Variants in AGBL3 observed in about 807,000 individuals in gnomAD.
The protein encoded by AGBL3 is cytosolic carboxypeptidase 3.
A neutral mutation model predicts 94.5 loss-of-function variants in AGBL3; 68 were observed. The observed-to-expected ratio is 0.72, with a 90% CI of 0.59 to 0.88. AGBL3 has a LOEUF of 0.88. Among genes scored for constraint, AGBL3 ranks in the 40% least tolerant of loss-of-function variants. AGBL3 has a pLI of 0.00. For synonymous variants in AGBL3, 354 were observed against 370.7 expected (o/e 0.95, Z 0.52); for missense variants, 934 against 1,103.8 (o/e 0.85, Z 2.18).
chr7:135,080,284 C>T (rs1820807008), intron 14 of AGBL3, 24 bp downstream of exon 14: 2 of 1,536,744 alleles, frequency 1.3e-6, no homozygotes, highest in Non-Finnish European at 1.8e-6. Flanking sequence ...TCTACCTTCT[C>T]ATAAACAATT....
At chr7:135,008,974 A>G (rs532503791) in intron 4 of AGBL3, among the ~76,000 whole-genome samples, 3 of 152,348 alleles carry the variant, frequency 2.0e-5, no homozygotes, top group Non-Finnish European at 2.9e-5. Context: ...TCAAAAAGTC[A>G]GATAACAAGT....
At chr7:135,033,328 T>A (rs967693430) in intron 6 of AGBL3, among the ~76,000 whole-genome samples, 10 of 152,208 alleles carry the variant, frequency 6.6e-5, no homozygotes, top group African/African-American at 2.4e-4. Context: ...AAAAATATTA[T>A]GGAAATATTT....
chr7:135,110,047 C>A (rs1319419441), intron 15 of AGBL3, among the ~76,000 whole-genome samples: 1 of 151,992 alleles, frequency 6.6e-6, no homozygotes, highest in Non-Finnish European at 1.5e-5. Context: ...GTGGCTGCAC[C>A]AAAGGCAACA....
At chr7:135,083,560 G>A (rs1385703017) in intron 15 of AGBL3, among the ~76,000 whole-genome samples, 2 of 149,024 alleles carry the variant, frequency 1.3e-5, no homozygotes, top group Non-Finnish European at 3.0e-5. Context: ...ATTAAAATCA[G>A]GAAATTCAAC....
At chr7:135,107,602 T>G (rs1033273566) in intron 15 of AGBL3, among the ~76,000 whole-genome samples, 1 of 152,234 alleles carries the variant, frequency 6.6e-6, no homozygotes, top group African/African-American at 2.4e-5. Flanking sequence ...ATTTCAGTTC[T>G]TTTGCATTTC....
chr7:135,019,203 C>G (rs1263465684), intron 5 of AGBL3, among the ~76,000 whole-genome samples: 3 of 152,138 alleles, frequency 2.0e-5, no homozygotes, highest in Non-Finnish European at 4.4e-5. Flanking sequence ...TATAACTATA[C>G]CACACTTTGT....
intron 11 of AGBL3, among the ~76,000 whole-genome samples, chr7:135,058,011 A>G (rs895246548): frequency 6.6e-6 from 1 of 152,210 alleles, no homozygotes; most frequent in Non-Finnish European, 1.5e-5. Flanking sequence ...ATGGCTATAT[A>G]TCATTATAAA....
At chr7:135,054,526 A>C (rs574840302) in intron 11 of AGBL3, among the ~76,000 whole-genome samples, 18 of 152,332 alleles carry the variant, frequency 1.2e-4, no homozygotes, top group Admixed American at 2.6e-4. Flanking sequence ...TTTTACAATT[A>C]ATATAAAAAA....
At chr7:135,035,118 T>A (rs1382043305) in intron 7 of AGBL3, among the ~76,000 whole-genome samples, 190 bp downstream of exon 7, 1 of 48,306 alleles carries the variant, frequency 2.1e-5, no homozygotes, top group African/African-American at 5.5e-5. Context: ...CTGGATTCAC[T>A]AACCTCCCCT....
At chr7:135,088,892 C>T (rs1410113532) in intron 15 of AGBL3, among the ~76,000 whole-genome samples, 2 of 152,082 alleles carry the variant, frequency 1.3e-5, no homozygotes, top group Non-Finnish European at 2.9e-5. Context: ...TTTGAGTTTC[C>T]TGGATCTGGA....
rs1424215196 is a variant in AGBL3, at chr7:135,084,030, T to C, written c.2110+2240T>C. On this transcript the variant is annotated intron_variant, in intron 15 of 16. Transcript: ENST00000436302. ...AGTTGGGGCCCAGCCCATCCAACCT[T>C]TTTCATCTTGAATAGCTTTCTTATG... 2.0e-5 allele frequency among the ~76,000 whole-genome samples: 3 copies of C among 152,206 alleles called. No individual in the cohort carries two copies. In the East Asian group the frequency reaches 5.8e-4, roughly 29 times the overall value.
intron 4 of AGBL3, among the ~76,000 whole-genome samples, chr7:135,005,992 ATC>A (rs1317327846): frequency 6.6e-6 from 1 of 151,904 alleles, no homozygotes; most frequent in Non-Finnish European, 1.5e-5. Flanking sequence ...ACAATTATAA[ATC>A]TTTTTTAAAA....
At chr7:135,065,941 G>C (rs1819252501) in intron 12 of AGBL3, among the ~76,000 whole-genome samples, 1 of 152,056 alleles carries the variant, frequency 6.6e-6, no homozygotes, top group South Asian at 2.1e-4. Context: ...AAAACAGAAT[G>C]AAATTGGACC....
chr7:135,034,701 C>A lies in AGBL3; in HGVS notation c.1110C>A (p.Ser370Arg). The A allele has an allele frequency of 1.9e-6, 3 of 1,550,854 alleles. No individual in the cohort carries two copies. The highest frequency in any genetic ancestry group is 2.6e-6 in the Non-Finnish European group (3 of 1,146,568). The change falls in exon 7 of 17, where the codon AGC (serine) becomes AGA (arginine). Residue 370 changes from serine (S) to arginine (R), a missense_variant. Coordinates refer to ENST00000436302, the MANE Select transcript of AGBL3 (RefSeq NM_178563.4). ...GGGTCCATCCAGGGGAAACCAACAGCTCTTGGATCATGAAAGGCTTCCTAG... is the reference window on the plus strand; with the variant it reads ...GGGTCCATCCAGGGGAAACCAACAGATCTTGGATCATGAAAGGCTTCCTAG... ...TARVHPGETN[S>R]SWIMKGFLDY...
At chr7:135,005,846 A>G (rs1390675730) in intron 4 of AGBL3, among the ~76,000 whole-genome samples, 1 of 151,800 alleles carries the variant, frequency 6.6e-6, no homozygotes, top group Non-Finnish European at 1.5e-5. Flanking sequence ...GAAAGTTTGC[A>G]TTTTCAACAA....
At chr7:135,087,658 T>C (rs1821436371) in intron 15 of AGBL3, among the ~76,000 whole-genome samples, 2 of 152,090 alleles carry the variant, frequency 1.3e-5, no homozygotes, top group African/African-American at 4.8e-5. Context: ...TATTGACTTC[T>C]AGTTTCATTC....
At position 135,092,888 on chromosome 7, in the gene AGBL3, A is replaced by T. The variant is rs530447973; in HGVS notation, c.2110+11098A>T. 6 of 152,242 alleles carry T rather than the reference A, an allele frequency of 3.9e-5. No homozygotes were observed. In the East Asian group the frequency reaches 1.2e-3, roughly 29 times the overall value. The allele number at this position is 152,242 out of a possible 1,614,324, so 9.4% of individuals were successfully genotyped here. On this transcript the variant is annotated intron_variant, in intron 15 of 16. Transcript: ENST00000436302. ...CATACGAAATTATGAAAATTAAACAATATAATATACCATGTTAATAGAATA... is the reference window on the plus strand; with the variant it reads ...CATACGAAATTATGAAAATTAAACATTATAATATACCATGTTAATAGAATA...
intron 12 of AGBL3, among the ~76,000 whole-genome samples, chr7:135,071,804 A>G (rs2116788342): frequency 6.6e-6 from 1 of 152,356 alleles, no homozygotes; most frequent in South Asian, 2.1e-4. Context: ...AAAACCATAA[A>G]AACCCTAGAA....
chr7:135,015,243 G>A (rs10954478), intron 4 of AGBL3, among the ~76,000 whole-genome samples: 3 of 151,150 alleles, frequency 2.0e-5, no homozygotes, highest in African/African-American at 7.4e-5. Flanking sequence ...CTTAAACAAC[G>A]CTTGCTCGAG....
Sources: gnomAD v4.1 joint callset for allele counts (sites outside exome capture counted in the v4.1 genomes callset) on GRCh38, gnomAD v4.1.1 for gene constraint, MANE v1.5 for transcripts, NCBI Gene and HGNC (gene_info 2026-07-23, HGNC 2026-07-21) for gene names.